The following SLC39A14 variants were observed in gnomAD, a reference collection of about 807,000 sequenced individuals.
SLC39A14 encodes the protein metal cation symporter ZIP14.
Under a neutral mutation model 45.5 loss-of-function variants are expected in SLC39A14, and 19 were observed. The ratio of observed to expected loss-of-function variants is 0.42; its 90% CI spans 0.29 to 0.61. The LOEUF (loss-of-function observed/expected upper bound fraction) is 0.61, where lower values mean the gene tolerates loss of function less well. Ranked by LOEUF, SLC39A14 falls within the 20% of genes least tolerant of loss-of-function variation. SLC39A14 has a pLI of 0.22. For synonymous variants in SLC39A14, 264 were observed against 251.3 expected (o/e 1.05, Z -0.48); for missense variants, 447 against 616.5 (o/e 0.73, Z 2.91).
chr8:22,397,011 G>A (rs1834526275), intron 1 of SLC39A14, among the ~76,000 whole-genome samples: 1 of 151,918 alleles, frequency 6.6e-6, no homozygotes, highest in Non-Finnish European at 1.5e-5. Flanking sequence ...ATTATCAGGT[G>A]TAGGAAAATT....
At chr8:22,431,267 G>T (rs552604817) in intron 8 of SLC39A14, among the ~76,000 whole-genome samples, 1 of 152,170 alleles carries the variant, frequency 6.6e-6, no homozygotes, top group Non-Finnish European at 1.5e-5. Context: ...GATTACAGAC[G>T]TGAGCCACCG....
downstream of SLC39A14, among the ~76,000 whole-genome samples, chr8:22,427,704 A>G (rs546287735): frequency 3.9e-5 from 6 of 152,346 alleles, no homozygotes; most frequent in South Asian, 1.2e-3. Flanking sequence ...TTAAGCATTT[A>G]GTGATTCTGC....
In SLC39A14 at chr8:22,403,856, T is replaced by C. The variant is rs528683680; in HGVS notation, c.-15-840T>C. 5.8e-4 allele frequency among the ~76,000 whole-genome samples: 88 copies of C among 152,052 alleles called. 1 individual carries two copies. The highest frequency in any genetic ancestry group is 2.1e-3 in the African/African-American group (86 of 41,508). On this transcript the variant is annotated intron_variant, in intron 1 of 8. Transcript: ENST00000381237. ...TTGCGTGAACCTGGGAGGTGGAGGT[T>C]GCAGTGAGCCGAGATCGTGCCACTG...
chr8:22,422,158 TC>T lies in SLC39A14; in HGVS notation c.*2461del. ...GTAGCAAGTCAGTGGGAGGACTTTT[TC>T]ACCCCTGGCATTAGCAGCTTCGACC... On this transcript the variant is annotated 3_prime_UTR_variant, in exon 9 of 9. Coordinates refer to ENST00000381237, the MANE Select transcript of SLC39A14 (RefSeq NM_001128431.4). 2 of 985,468 alleles carry T rather than the reference TC, an allele frequency of 2.0e-6. No homozygotes were observed. The highest frequency in any genetic ancestry group is 2.4e-6 in the Non-Finnish European group (2 of 829,940). The allele number at this position is 985,468 out of a possible 1,614,324, so 61.0% of individuals were successfully genotyped here. A position where few individuals can be genotyped will look rare whatever the true frequency, so the allele number is the denominator to read the frequency against.
At chr8:22,383,006 C>A (rs928507877) in intron 1 of SLC39A14, among the ~76,000 whole-genome samples, 1 of 152,046 alleles carries the variant, frequency 6.6e-6, no homozygotes, top group African/African-American at 2.4e-5. Flanking sequence ...GCGTGAGTCA[C>A]CGCGGCCGGT....
chr8:22,421,381 T>G lies in SLC39A14; in HGVS notation c.*1683T>G. 2 of 985,866 alleles carry G rather than the reference T, an allele frequency of 2.0e-6. No homozygotes were observed. Among genetic ancestry groups the G allele is most frequent in the Non-Finnish European group, 2.4e-6 (2 of 829,934 alleles). The allele number at this position is 985,866 out of a possible 1,614,324, so 61.1% of individuals were successfully genotyped here. On this transcript the variant is annotated 3_prime_UTR_variant, in exon 9 of 9. Coordinates refer to ENST00000381237, the MANE Select transcript of SLC39A14 (RefSeq NM_001128431.4). ...GCAGGAAAAACTGCTGGTGATACTTTTTTTAAGTTTTGTTTTTATCTTGCC... is the reference window on the plus strand; with the variant it reads ...GCAGGAAAAACTGCTGGTGATACTTGTTTTAAGTTTTGTTTTTATCTTGCC...
At chr8:22,389,361 A>T (rs960792954) in intron 1 of SLC39A14, among the ~76,000 whole-genome samples, 3 of 152,116 alleles carry the variant, frequency 2.0e-5, no homozygotes, top group African/African-American at 7.2e-5. Context: ...TCTCAGCTGC[A>T]GACTGGCATG....
At chr8:22,380,770 G>A (rs1437124742) in intron 1 of SLC39A14, among the ~76,000 whole-genome samples, 5 of 151,574 alleles carry the variant, frequency 3.3e-5, no homozygotes, top group African/African-American at 1.2e-4. Flanking sequence ...TTGACCTCCC[G>A]GGCTCAAGTG....
At chr8:22,416,333 C>T (rs1835880329) in intron 7 of SLC39A14, 53 bp downstream of exon 7, 1 of 1,503,706 alleles carries the variant, frequency 6.7e-7, no homozygotes, top group Admixed American at 1.7e-5. Flanking sequence ...TGGTGTAGGC[C>T]CCCTTCCTGT....
At chr8:22,428,441 C>CTTT (rs59846887) in intron 8 of SLC39A14, among the ~76,000 whole-genome samples, 30 of 116,400 alleles carry the variant, frequency 2.6e-4, no homozygotes, top group Non-Finnish European at 3.5e-4. Context: ...TTCATATGTT[C>CTTT]TTTTTTTTTT....
At position 22,421,497 on chromosome 8, in the gene SLC39A14, G is replaced by GGGA. The variant is rs3830580; in HGVS notation, c.*1800_*1802dup. On this transcript the variant is annotated 3_prime_UTR_variant, in exon 9 of 9. Transcript: ENST00000381237. ...TAAATATCAGGACTGATTTCCTGGT[G>GGGA]GGATTATGGTCCAGTTTTACCAAAG... The GGGA allele has an allele frequency of 0.35, 341,087 of 983,666 alleles. 60,692 individuals are homozygous for GGGA. Among genetic ancestry groups the GGGA allele is most frequent in the East Asian group, 0.58 (5,125 of 8,770 alleles). The allele number at this position is 983,666 out of a possible 1,614,324, so 60.9% of individuals were successfully genotyped here.
intron 1 of SLC39A14, among the ~76,000 whole-genome samples, chr8:22,372,154 T>A (rs1231645225): frequency 2.0e-5 from 3 of 152,186 alleles, no homozygotes; most frequent in Non-Finnish European, 4.4e-5. Flanking sequence ...TACTTAGAAA[T>A]TGTTTGTATA....
intron 5 of SLC39A14, 175 bp downstream of exon 5, chr8:22,415,077 A>T (rs1835794045): frequency 1.4e-6 from 1 of 723,620 alleles, no homozygotes; most frequent in Admixed American, 3.3e-5. Flanking sequence ...TTTGGCCAGA[A>T]GTGAGGCCAG....
intron 1 of SLC39A14, among the ~76,000 whole-genome samples, chr8:22,399,741 G>A (rs545257047): frequency 6.6e-6 from 1 of 152,272 alleles, no homozygotes; most frequent in Non-Finnish European, 1.5e-5. Context: ...GCCACCTGAG[G>A]GGCCGAGGGG....
At chr8:22,397,451 G>C (rs1483808596) in intron 1 of SLC39A14, among the ~76,000 whole-genome samples, 1 of 152,162 alleles carries the variant, frequency 6.6e-6, no homozygotes, top group Admixed American at 6.5e-5. Flanking sequence ...GGTGGTGGGC[G>C]CCTGTAGTCC....
intron 2 of SLC39A14, among the ~76,000 whole-genome samples, chr8:22,405,425 A>G (rs1482858172): frequency 6.6e-6 from 1 of 152,218 alleles, no homozygotes; most frequent in African/African-American, 2.4e-5. Context: ...AGGCAAGAGA[A>G]TCGCTTGAAC....
intron 3 of SLC39A14, among the ~76,000 whole-genome samples, chr8:22,409,148 A>C (rs558638761): frequency 7.9e-5 from 12 of 151,764 alleles, no homozygotes; most frequent in African/African-American, 2.9e-4. Context: ...TTTTCCTTTA[A>C]GACCTCCCGG....
At chr8:22,402,390 GA>G (rs776556638) in intron 1 of SLC39A14, among the ~76,000 whole-genome samples, 2 of 144,974 alleles carry the variant, frequency 1.4e-5, no homozygotes, top group African/African-American at 5.1e-5. Flanking sequence ...GTCTCAAAAA[GA>G]AAAAAAAAGA....
At position 22,420,634 on chromosome 8, in the gene SLC39A14, G is replaced by T; in HGVS notation, c.*936G>T. 12 of 985,426 alleles carry T rather than the reference G, an allele frequency of 1.2e-5. No individual in the cohort carries two copies. Among genetic ancestry groups the T allele is most frequent in the Non-Finnish European group, 1.4e-5 (12 of 829,942 alleles). The allele number at this position is 985,426 out of a possible 1,614,324, so 61.0% of individuals were successfully genotyped here. On this transcript the variant is annotated 3_prime_UTR_variant, in exon 9 of 9. Transcript: ENST00000381237. ...TGCACAAACTATCCTCCCCCAGGTT[G>T]AGACGTCTGCAGAGTGGCAAGCTGA...
Sources: allele counts gnomAD v4.1 joint callset (sites outside exome capture counted in the v4.1 genomes callset), GRCh38; gene constraint gnomAD v4.1.1; transcripts MANE v1.5; gene names NCBI Gene and HGNC (gene_info 2026-07-23, HGNC 2026-07-21).